CEP112: variants seen among roughly 807,000 people sequenced by gnomAD.
CEP112 encodes the protein centrosomal protein 112.
Under a neutral mutation model 153.0 loss-of-function variants are expected in CEP112, and 127 were observed. The observed-to-expected ratio is 0.83, with a 90% confidence interval of 0.72 to 0.96. CEP112 has a LOEUF of 0.96. Among genes scored for constraint, CEP112 ranks in the 40% least tolerant of loss-of-function variants. The pLI is 0.00. For missense variants in CEP112, 1,089 were observed against 1,101.2 expected, an observed-to-expected ratio of 0.99 and a Z score of 0.16; for synonymous variants, 358 against 374.4, an observed-to-expected ratio of 0.96 and a Z score of 0.51.
At chr17:65,845,260 G>A (rs2057687761) in intron 21 of CEP112, among the ~76,000 whole-genome samples, 1 of 152,058 alleles carries the variant, frequency 6.6e-6, no homozygotes, top group Non-Finnish European at 1.5e-5. Flanking sequence ...TGGAGGTTGT[G>A]GTGAGTCGAG....
At chr17:66,170,640 G>A (rs1280300782) in intron 4 of CEP112, among the ~76,000 whole-genome samples, 5 of 152,092 alleles carry the variant, frequency 3.3e-5, no homozygotes, top group Non-Finnish European at 7.4e-5. Flanking sequence ...GTACGCACCT[G>A]TAATCCCAGC....
At chr17:65,974,910 A>G (rs914945612) in intron 17 of CEP112, among the ~76,000 whole-genome samples, 2 of 152,014 alleles carry the variant, frequency 1.3e-5, no homozygotes, top group African/African-American at 4.8e-5. Context: ...TATACCTAAT[A>G]GTCCAGGTCT....
intron 20 of CEP112, among the ~76,000 whole-genome samples, chr17:65,871,643 A>T (rs2058674179): frequency 6.6e-6 from 1 of 152,192 alleles, no homozygotes; most frequent in African/African-American, 2.4e-5. Flanking sequence ...TCAATAAATA[A>T]ATTAATTAAT....
At chr17:65,981,897 A>G (rs1427973872) in intron 17 of CEP112, among the ~76,000 whole-genome samples, 2 of 152,162 alleles carry the variant, frequency 1.3e-5, no homozygotes, top group Non-Finnish European at 2.9e-5. Context: ...TGGATTTGCA[A>G]ATATATAAAA....
At chr17:65,829,474 GA>G (rs1287691565) in intron 21 of CEP112, among the ~76,000 whole-genome samples, 1 of 152,038 alleles carries the variant, frequency 6.6e-6, no homozygotes, top group Non-Finnish European at 1.5e-5. Context: ...TCCCCTCAAA[GA>G]AGGTCTAAAC....
chr17:65,877,116 C>T (rs1405627041), intron 20 of CEP112, among the ~76,000 whole-genome samples: 1 of 152,154 alleles, frequency 6.6e-6, no homozygotes, highest in Non-Finnish European at 1.5e-5. Context: ...GGTTTACTGC[C>T]TGATTGCGGC....
intron 24 of CEP112, among the ~76,000 whole-genome samples, chr17:65,645,962 T>G (rs745383702): frequency 6.6e-6 from 1 of 152,162 alleles, no homozygotes; most frequent in Non-Finnish European, 1.5e-5. Context: ...AATCTATGAT[T>G]TCATTTGCTC....
At position 66,131,259 on chromosome 17, in the gene CEP112, T is replaced by C. The variant is rs186158511; in HGVS notation, c.564+1411A>G. 7.2e-3 allele frequency among the ~76,000 whole-genome samples: 1,102 copies of C among 152,314 alleles called. 5 individuals carry two copies. The highest frequency in any genetic ancestry group is 0.012 in the Non-Finnish European group (806 of 68,028). On this transcript the variant is annotated intron_variant, in intron 5 of 26. Transcript: ENST00000535342. ...ATCACTTCTACTAGTGGTCCTCTGCTTTTTGTATGTTTTTCTCATGAACAA... is the reference window on the plus strand; with the variant it reads ...ATCACTTCTACTAGTGGTCCTCTGCCTTTTGTATGTTTTTCTCATGAACAA...
chr17:65,784,948 C>CA (rs1568009574), intron 21 of CEP112, among the ~76,000 whole-genome samples: 1 of 151,912 alleles, frequency 6.6e-6, no homozygotes, highest in Non-Finnish European at 1.5e-5. Context: ...CAAAAAACAA[C>CA]AAAAAAAGAA....
At chr17:66,102,411 G>T (rs2068600453) in intron 6 of CEP112, among the ~76,000 whole-genome samples, 1 of 151,896 alleles carries the variant, frequency 6.6e-6, no homozygotes, top group Admixed American at 6.6e-5. Context: ...AAAGGAAAAT[G>T]AACAAAAACA....
intron 24 of CEP112, among the ~76,000 whole-genome samples, chr17:65,678,062 C>T (rs912748553): frequency 2.6e-5 from 4 of 152,130 alleles, no homozygotes; most frequent in Non-Finnish European, 5.9e-5. Flanking sequence ...TAAGTGGCCC[C>T]TCGGAATGTT....
intron 6 of CEP112, among the ~76,000 whole-genome samples, chr17:66,112,821 C>G (rs1168358243): frequency 1.3e-5 from 2 of 152,180 alleles, no homozygotes; most frequent in African/African-American, 4.8e-5. Flanking sequence ...TGGTGCACAC[C>G]TGTAATCCTA....
At chr17:65,654,817 T>C (rs1567816776) in intron 24 of CEP112, 2 of 394,934 alleles carry the variant, frequency 5.1e-6, no homozygotes, top group Non-Finnish European at 9.6e-6. Flanking sequence ...AAATTACTAA[T>C]AAACTGTCTG....
chr17:65,991,794 T>G (rs570014585), intron 17 of CEP112, among the ~76,000 whole-genome samples: 1 of 152,230 alleles, frequency 6.6e-6, no homozygotes. Context: ...GAGATATTTT[T>G]CACCAACCTT....
chr17:65,906,616 GT>G (rs2060093355), intron 19 of CEP112, among the ~76,000 whole-genome samples: 1 of 151,942 alleles, frequency 6.6e-6, no homozygotes, highest in Non-Finnish European at 1.5e-5. Flanking sequence ...AAATTTAGGG[GT>G]TTTCCCCATA....
chr17:66,060,827 G>T (rs934270698), intron 11 of CEP112, among the ~76,000 whole-genome samples: 3 of 150,694 alleles, frequency 2.0e-5, no homozygotes, highest in Non-Finnish European at 4.4e-5. Context: ...TAGAGGAAAA[G>T]CTCCATGACA....
At position 65,655,283 on chromosome 17, in the gene CEP112, A is replaced by G. The variant is rs997421277; in HGVS notation, c.2698-14218T>C. 5.4e-6 allele frequency: 7 copies of G among 1,297,492 alleles called. No homozygotes were observed. The African/African-American group carries it at 1.0e-4, about 19-fold the overall frequency. 80.4% of individuals were successfully genotyped at this position (1,297,492 alleles called of 1,614,324 possible). On this transcript the variant is annotated intron_variant, in intron 24 of 26. Coordinates refer to ENST00000535342, the MANE Select transcript of CEP112 (RefSeq NM_001199165.4). ...GGTGCAGACTGCCTTTGTTGGGTGC[A>G]GGCTGAGCGACCGCAGCCTCAGACA...
chr17:65,763,323 T>C (rs1232631190), intron 21 of CEP112, among the ~76,000 whole-genome samples: 2 of 152,084 alleles, frequency 1.3e-5, no homozygotes, highest in Admixed American at 6.6e-5. Context: ...ATTGGTGTTT[T>C]CTGAGCTTAC....
intron 24 of CEP112, among the ~76,000 whole-genome samples, chr17:65,669,249 A>T (rs1567838150): frequency 6.6e-6 from 1 of 152,182 alleles, no homozygotes; most frequent in Non-Finnish European, 1.5e-5. Context: ...AAAATATGTT[A>T]TGACATCGAG....
Sources: gnomAD v4.1 joint callset for allele counts (sites outside exome capture counted in the v4.1 genomes callset) on GRCh38, gnomAD v4.1.1 for gene constraint, MANE v1.5 for transcripts, NCBI Gene and HGNC (gene_info 2026-07-23, HGNC 2026-07-21) for gene names.